Variants in WDR88 observed in about 807,000 individuals in gnomAD.
WDR88 encodes the protein WD repeat-containing protein 88.
Under a neutral mutation model 46.8 loss-of-function variants are expected in WDR88, and 40 were observed. That is an observed-to-expected ratio of 0.86 (90% confidence interval 0.66 to 1.11). The LOEUF (loss-of-function observed/expected upper bound fraction) is 1.11. Among genes scored for constraint, WDR88 ranks in the 50% most tolerant of loss-of-function variants. WDR88 has a pLI of 0.00. For missense variants in WDR88, 562 were observed against 602.4 expected, an observed-to-expected ratio of 0.93 and a Z score of 0.70; for synonymous variants, 235 against 240.7, an observed-to-expected ratio of 0.98 and a Z score of 0.22.
chr19:33,171,255 G>A (rs1974034456), intron 9 of WDR88, among the ~76,000 whole-genome samples: 1 of 152,154 alleles, frequency 6.6e-6, no homozygotes, highest in Non-Finnish European at 1.5e-5. Context: ...CAAAGTGCTG[G>A]GATTACTGGT....
At chr19:33,141,893 C>T (rs756410010) in intron 2 of WDR88, among the ~76,000 whole-genome samples, 14 of 152,140 alleles carry the variant, frequency 9.2e-5, no homozygotes, top group Non-Finnish European at 1.5e-5. Context: ...GTTGGCCAGG[C>T]TGGTCTCAAA....
intron 6 of WDR88, among the ~76,000 whole-genome samples, chr19:33,152,868 G>A (rs1973662707): frequency 6.6e-6 from 1 of 152,102 alleles, no homozygotes; most frequent in Non-Finnish European, 1.5e-5. Flanking sequence ...CCACAGTGCT[G>A]GGATTAAGAA....
At chr19:33,142,976 G>T (rs1973431672) in intron 2 of WDR88, among the ~76,000 whole-genome samples, 1 of 151,598 alleles carries the variant, frequency 6.6e-6, no homozygotes. Context: ...AATGACAAGG[G>T]GAGAGGCTCC....
At chr19:33,147,760 A>G (rs757943086) in intron 4 of WDR88, 52 bp downstream of exon 4, 2 of 1,575,188 alleles carry the variant, frequency 1.3e-6, no homozygotes, top group Non-Finnish European at 1.7e-6. Flanking sequence ...GGGCTTGACC[A>G]AGCCTCAGGC....
chr19:33,137,241 C>T (rs971649856), intron 1 of WDR88, among the ~76,000 whole-genome samples: 17 of 147,098 alleles, frequency 1.2e-4, no homozygotes, highest in South Asian at 4.4e-4. Context: ...GATGAGCCAC[C>T]GTGCCCAGCC....
chr19:33,137,904 G>T, intron 2 of WDR88, 117 bp downstream of exon 2: 1 of 808,292 alleles, frequency 1.2e-6, no homozygotes, highest in South Asian at 1.8e-5. Context: ...TGGTTTGCAG[G>T]TCTTCTGAGC....
intron 5 of WDR88, 52 bp from the exon 6 acceptor site, chr19:33,151,129 G>T: frequency 1.9e-6 from 3 of 1,584,646 alleles, no homozygotes; most frequent in Non-Finnish European, 2.6e-6. Context: ...GAGTCCTCCA[G>T]CCCAGCAGGT....
chr19:33,156,258 A>G, intron 6 of WDR88, 97 bp from the exon 7 acceptor site: 4 of 1,308,352 alleles, frequency 3.1e-6, no homozygotes, highest in Non-Finnish European at 4.2e-6. Flanking sequence ...CAGCCCGACC[A>G]TGAGCTCACA....
At chr19:33,174,730 G>T in intron 10 of WDR88, 1 of 985,434 alleles carries the variant, frequency 1.0e-6, no homozygotes, top group Non-Finnish European at 1.2e-6. Flanking sequence ...ACTCGGCACA[G>T]AACAATGGAT....
intron 7 of WDR88, 23 bp downstream of exon 7, chr19:33,156,565 G>T: frequency 1.2e-6 from 2 of 1,603,622 alleles, no homozygotes; most frequent in Non-Finnish European, 1.7e-6. Context: ...CATGCAGAAG[G>T]CCTCCATTCC....
intron 1 of WDR88, among the ~76,000 whole-genome samples, chr19:33,136,253 C>G (rs1287776569): frequency 1.3e-5 from 2 of 152,024 alleles, no homozygotes; most frequent in African/African-American, 4.8e-5. Flanking sequence ...CGGGGTTTCT[C>G]CATGTTGGTC....
At chr19:33,133,198 T>TAAATAAATAAATATAGAGAG (rs1555723214) in intron 1 of WDR88, among the ~76,000 whole-genome samples, 81 of 79,778 alleles carry the variant, frequency 1.0e-3, no homozygotes, top group Non-Finnish European at 8.4e-4. Flanking sequence ...TAAATAAATA[T>TAAATAAATAAATATAGAGAG]AGAGAGAGAG....
intron 6 of WDR88, among the ~76,000 whole-genome samples, chr19:33,154,578 A>G (rs1312467815): frequency 2.0e-5 from 3 of 152,266 alleles, no homozygotes; most frequent in Non-Finnish European, 2.9e-5. Context: ...GTGTATATGT[A>G]CCACATTTTC....
chr19:33,171,837 G>A (rs1049569754), intron 9 of WDR88, among the ~76,000 whole-genome samples: 3 of 152,080 alleles, frequency 2.0e-5, no homozygotes, highest in Admixed American at 2.0e-4. Context: ...GCAGTGGTGC[G>A]ATCTTGGCTC....
chr19:33,148,977 G>T (rs527480359), intron 5 of WDR88, 67 bp downstream of exon 5: 3 of 1,599,826 alleles, frequency 1.9e-6, no homozygotes, highest in Non-Finnish European at 1.7e-6. Flanking sequence ...ACTGACTGAC[G>T]GTGACCTTCC....
intron 5 of WDR88, among the ~76,000 whole-genome samples, chr19:33,149,351 AC>A (rs1973585545): frequency 6.6e-6 from 1 of 152,036 alleles, no homozygotes; most frequent in African/African-American, 2.4e-5. Context: ...CAAAAAACAA[AC>A]AAACAAACAA....
At chr19:33,164,292 G>A (rs754715358) in intron 9 of WDR88, 27 bp downstream of exon 9, 8 of 1,602,936 alleles carry the variant, frequency 5.0e-6, no homozygotes, top group Non-Finnish European at 6.0e-6. Flanking sequence ...TTACAATATC[G>A]ATCACGTTCG....
At chr19:33,161,601 G>T (rs773491594) in intron 8 of WDR88, among the ~76,000 whole-genome samples, 2 of 152,110 alleles carry the variant, frequency 1.3e-5, no homozygotes, top group Admixed American at 6.6e-5. Context: ...TAGGACTTGG[G>T]GAGACAAAGC....
intron 1 of WDR88, among the ~76,000 whole-genome samples, chr19:33,135,921 G>A (rs979380857): frequency 6.6e-6 from 1 of 150,428 alleles, no homozygotes; most frequent in African/African-American, 2.5e-5. Flanking sequence ...ACGAAGTCTT[G>A]CTCTGTCACC....
Sources: gnomAD v4.1 joint callset for allele counts (sites outside exome capture counted in the v4.1 genomes callset) on GRCh38, gnomAD v4.1.1 for gene constraint, MANE v1.5 for transcripts, NCBI Gene and HGNC (gene_info 2026-07-23, HGNC 2026-07-21) for gene names.